The following RFX8 variants were observed in gnomAD, a reference collection of about 807,000 sequenced individuals.
RFX8 encodes regulatory factor X8.
RFX8 carries 46 observed loss-of-function variants against 54.6 expected under a neutral mutation model. The observed-to-expected ratio is 0.84, with a 90% CI of 0.67 to 1.08. The LOEUF (loss-of-function observed/expected upper bound fraction) is 1.08. RFX8 is among the 50% of genes least tolerant of loss of function. The probability of loss-of-function intolerance (pLI) is 0.00; values close to 1 mark genes in which losing one functional copy is unlikely to be tolerated. For synonymous variants in RFX8, 192 were observed against 209.5 expected (o/e 0.92, Z 0.72); for missense variants, 536 against 562.3 (o/e 0.95, Z 0.47).
chr2:101,413,658 A>C (rs746859259), intron 7 of RFX8, among the ~76,000 whole-genome samples: 1 of 152,166 alleles, frequency 6.6e-6, no homozygotes, highest in Non-Finnish European at 1.5e-5. Context: ...TTGGGGCGTG[A>C]AGTAACTTTC....
chr2:101,412,258 C>T (rs1306553551), intron 8 of RFX8, among the ~76,000 whole-genome samples: 1 of 152,206 alleles, frequency 6.6e-6, no homozygotes, highest in Non-Finnish European at 1.5e-5. Flanking sequence ...CCCAGGTCCT[C>T]CCTGAGTCTG....
rs6709913 is a variant in RFX8, at chr2:101,418,730, C to G, written c.351+121G>C. On this transcript the variant is annotated intron_variant, in intron 5 of 11. Coordinates refer to ENST00000428343, the MANE Select transcript of RFX8 (RefSeq NM_001145664.2). ...TCAGAGGGCTCCTGGTCCATACACC[C>G]CACTATTCACTCCTCAGAGGACCAT... 4.3e-6 allele frequency: 3 copies of G among 704,292 alleles called. No individual in the cohort carries two copies. In the African/African-American group the frequency reaches 5.3e-5, roughly 12 times the overall value. The allele number at this position is 704,292 out of a possible 1,614,324, so 43.6% of individuals were successfully genotyped here.
At chr2:101,450,679 A>C (rs889502673) in intron 2 of RFX8, 72 of 1,461,220 alleles carry the variant, frequency 4.9e-5, no homozygotes, top group Non-Finnish European at 6.5e-5. Flanking sequence ...TCATAATGAT[A>C]CCTGGAAAAA....
rs1380013541 is a variant in RFX8 at position 101,411,514 on chromosome 2, C to T, written c.719-801G>A. On this transcript the variant is annotated intron_variant, in intron 8 of 11. Coordinates refer to ENST00000428343, the MANE Select transcript of RFX8 (RefSeq NM_001145664.2). ...GCACCGGGCGGGGGAGGGGGTGTCT[C>T]ATGCCCTCCTGGGACTCCCTGTGAT... Among the ~76,000 whole-genome samples the T allele has an allele frequency of 2.6e-5, 4 of 151,772 alleles. No individual in the cohort carries two copies. The East Asian group carries it at 7.8e-4, about 29-fold the overall frequency.
chr2:101,430,949 T>G (rs1406692472), intron 2 of RFX8, among the ~76,000 whole-genome samples: 2 of 152,200 alleles, frequency 1.3e-5, no homozygotes, highest in Non-Finnish European at 1.5e-5. Flanking sequence ...TCTTTAGAGA[T>G]GTCTAAAAAT....
intron 2 of RFX8, chr2:101,452,280 T>A: frequency 1.6e-6 from 1 of 608,730 alleles, no homozygotes; most frequent in Non-Finnish European, 2.7e-6. Context: ...TTGGTAAGAG[T>A]TGTTATTTAT....
At chr2:101,443,243 T>C (rs577809788) in intron 2 of RFX8, among the ~76,000 whole-genome samples, 1 of 152,254 alleles carries the variant, frequency 6.6e-6, no homozygotes, top group African/African-American at 2.4e-5. Flanking sequence ...TATCACCACC[T>C]TTCGGAGTTT....
intron 9 of RFX8, among the ~76,000 whole-genome samples, chr2:101,406,904 C>A (rs941550368): frequency 1.3e-5 from 2 of 152,226 alleles, no homozygotes; most frequent in African/African-American, 4.8e-5. Context: ...AGCCCCTAAA[C>A]CCAGTGGAAC....
At chr2:101,433,861 A>G (rs1265664281) in intron 2 of RFX8, among the ~76,000 whole-genome samples, 1 of 152,228 alleles carries the variant, frequency 6.6e-6, no homozygotes, top group African/African-American at 2.4e-5. Context: ...CACATGAAGT[A>G]ATTATTTTGG....
intron 11 of RFX8, among the ~76,000 whole-genome samples, chr2:101,399,300 CTGAATAA>C (rs1350564769): frequency 4.0e-4 from 61 of 152,244 alleles, no homozygotes; most frequent in African/African-American, 1.4e-3. Flanking sequence ...AGTGCAAGTG[CTGAATAA>C]TGGATGCAAT....
intron 2 of RFX8, among the ~76,000 whole-genome samples, chr2:101,441,191 T>G (rs1167230791): frequency 2.0e-5 from 3 of 152,130 alleles, no homozygotes; most frequent in South Asian, 4.1e-4. Context: ...AGGATGGTCT[T>G]GATCTTCTGA....
At chr2:101,400,707 C>T (rs970370098) in intron 11 of RFX8, among the ~76,000 whole-genome samples, 1 of 152,170 alleles carries the variant, frequency 6.6e-6, no homozygotes, top group African/African-American at 2.4e-5. Flanking sequence ...TGCTACACTC[C>T]GACCTCTTGC....
chr2:101,404,602 T>C (rs116107551), intron 10 of RFX8, among the ~76,000 whole-genome samples: 4,062 of 152,032 alleles, frequency 0.027, 86 homozygotes, highest in Non-Finnish European at 0.043. Context: ...ATTTTTTTTT[T>C]TTTTCGTAGT....
intron 9 of RFX8, among the ~76,000 whole-genome samples, chr2:101,407,854 A>C (rs560453874): frequency 1.3e-4 from 20 of 152,124 alleles, no homozygotes; most frequent in Non-Finnish European, 2.5e-4. Flanking sequence ...ATGTCCCCCA[A>C]CGTAGAAGCT....
intron 2 of RFX8, chr2:101,429,079 G>T: frequency 9.5e-7 from 1 of 1,049,798 alleles, no homozygotes; most frequent in Non-Finnish European, 1.4e-6. Context: ...CTGAGCAGAA[G>T]CACGAAGTTT....
Position 101,405,956 on chromosome 2 carries a change from G to A in RFX8, c.915C>T (p.His305=). The change falls in exon 10 of 12, where the codon CAC becomes CAT. Residue 305 remains histidine, a synonymous_variant. Transcript: ENST00000428343. ...TCTCTGACTTACCAAAACTATCTCT[G>A]TGGCAGAGGGTCATGGCTTTGCTTA... ...TAVSKAMTLC[H]RDSFGSWHLF... is the part of the protein sequence containing the mutation. 6.5e-7 allele frequency: 1 copy of A among 1,530,060 alleles called. No homozygotes were observed. Among genetic ancestry groups the A allele is most frequent in the South Asian group, 1.3e-5 (1 of 79,306 alleles). 94.8% of individuals were successfully genotyped at this position (1,530,060 alleles called of 1,614,324 possible). A position where few individuals can be genotyped will look rare whatever the true frequency, so the allele number is the denominator to read the frequency against.
intron 2 of RFX8, among the ~76,000 whole-genome samples, chr2:101,466,006 T>C (rs201555431): frequency 1.7e-4 from 26 of 152,324 alleles, no homozygotes; most frequent in Non-Finnish European, 3.2e-4. Context: ...TTATCAAAAG[T>C]GTAGAACTTC....
chr2:101,403,497 A>G (rs1573344999), intron 10 of RFX8, among the ~76,000 whole-genome samples: 1 of 152,346 alleles, frequency 6.6e-6, no homozygotes, highest in African/African-American at 2.4e-5. Context: ...TATAAAATGG[A>G]CACATCAGGC....
Position 101,475,085 on chromosome 2 carries a change from T to C in RFX8, c.-502A>G, listed in dbSNP as rs1477530840. ...TCATTGCTGTGTGACATGGAGCTGC[T>C]GGCCATCTCCAAGTTCACTTCCTTT... On this transcript the variant is annotated 5_prime_UTR_variant, in exon 1 of 12. Coordinates refer to ENST00000428343, the MANE Select transcript of RFX8 (RefSeq NM_001145664.2). Among the ~76,000 whole-genome samples the C allele has an allele frequency of 1.3e-5, 2 of 152,176 alleles. No homozygotes were observed. The highest frequency in any genetic ancestry group is 2.9e-5 in the Non-Finnish European group (2 of 68,040).
Sources: gnomAD v4.1 joint callset for allele counts (sites outside exome capture counted in the v4.1 genomes callset) on GRCh38, gnomAD v4.1.1 for gene constraint, MANE v1.5 for transcripts, NCBI Gene and HGNC (gene_info 2026-07-23, HGNC 2026-07-21) for gene names.